IMMP2L: variants seen among roughly 807,000 people sequenced by gnomAD.
IMMP2L encodes the protein mitochondrial inner membrane protease subunit 2.
Under a neutral mutation model 19.3 loss-of-function variants are expected in IMMP2L, and 18 were observed. The observed-to-expected ratio is 0.93, with a 90% CI of 0.64 to 1.38. IMMP2L has a LOEUF of 1.38. Among genes scored for constraint, IMMP2L ranks in the 40% most tolerant of loss-of-function variants. The pLI is 0.00. For synonymous variants in IMMP2L, 76 were observed against 73.0 expected, an observed-to-expected ratio of 1.04 and a Z score of -0.21; for missense variants, 233 against 218.2, an observed-to-expected ratio of 1.07 and a Z score of -0.43.
chr7:110,717,375 G>A (rs1795296349), intron 5 of IMMP2L, among the ~76,000 whole-genome samples: 1 of 152,232 alleles, frequency 6.6e-6, no homozygotes, highest in African/African-American at 2.4e-5. Context: ...TGAGGCAGGA[G>A]AAAGGCATGA....
At chr7:111,135,729 C>T (rs1377458579) in intron 3 of IMMP2L, among the ~76,000 whole-genome samples, 1 of 152,054 alleles carries the variant, frequency 6.6e-6, no homozygotes, top group Non-Finnish European at 1.5e-5. Flanking sequence ...AAATCAAGAA[C>T]ATACAAAAAA....
intron 1 of IMMP2L, among the ~76,000 whole-genome samples, chr7:111,528,966 C>G (rs1391240812): frequency 6.6e-6 from 1 of 152,100 alleles, no homozygotes; most frequent in East Asian, 1.9e-4. Flanking sequence ...TATATGTGTA[C>G]CTACCATGCA....
At chr7:110,931,967 C>A (rs934736595) in intron 4 of IMMP2L, among the ~76,000 whole-genome samples, 1 of 152,180 alleles carries the variant, frequency 6.6e-6, no homozygotes, top group African/African-American at 2.4e-5. Context: ...TTCTTCTACT[C>A]CTTTCTTCTA....
intron 5 of IMMP2L, among the ~76,000 whole-genome samples, chr7:110,683,329 G>T (rs1395442606): frequency 6.6e-6 from 1 of 151,992 alleles, no homozygotes; most frequent in African/African-American, 2.4e-5. Context: ...TTTCAGAAGG[G>T]TAAATGCAAT....
At chr7:110,682,674 T>C (rs1160601461) in intron 5 of IMMP2L, among the ~76,000 whole-genome samples, 1 of 152,098 alleles carries the variant, frequency 6.6e-6, no homozygotes, top group Non-Finnish European at 1.5e-5. Flanking sequence ...AATTCAGTTT[T>C]GTATTATTGA....
rs559197246 is a variant in IMMP2L at position 111,526,909 on chromosome 7, T to A, written c.-2-5460A>T. Among the ~76,000 whole-genome samples the A allele has an allele frequency of 2.6e-5, 4 of 152,256 alleles. No homozygotes were observed. In the East Asian group the frequency reaches 7.7e-4, roughly 29 times the overall value. The stretch of plus-strand genomic sequence containing the variant: ...CAGCTATCTTAGTTATAAGGTAGTA[T>A]GCATGATTAAAATGTAAATTAAGGG... On this transcript the variant is annotated intron_variant, in intron 1 of 5. Coordinates refer to ENST00000405709, the MANE Select transcript of IMMP2L (RefSeq NM_032549.4).
chr7:110,763,038 C>T (rs1444789589), intron 5 of IMMP2L, among the ~76,000 whole-genome samples: 1 of 152,054 alleles, frequency 6.6e-6, no homozygotes, highest in African/African-American at 2.4e-5. Flanking sequence ...CAAACATCAG[C>T]ACAGGATGGA....
intron 2 of IMMP2L, among the ~76,000 whole-genome samples, chr7:111,490,192 G>A (rs1169292193): frequency 6.6e-6 from 1 of 150,914 alleles, no homozygotes; most frequent in African/African-American, 2.4e-5. Context: ...TGAACTCCTG[G>A]GCTCAGTCTC....
At chr7:111,180,492 A>G (rs1480063916) in intron 3 of IMMP2L, among the ~76,000 whole-genome samples, 1 of 152,050 alleles carries the variant, frequency 6.6e-6, no homozygotes, top group African/African-American at 2.4e-5. Context: ...TTACAACAGT[A>G]ACAGCAAAGA....
chr7:110,807,466 C>T (rs961456565), intron 5 of IMMP2L, among the ~76,000 whole-genome samples: 1 of 151,988 alleles, frequency 6.6e-6, no homozygotes, highest in Non-Finnish European at 1.5e-5. Context: ...CTCTTCCTAA[C>T]CACTTCCCTT....
intron 3 of IMMP2L, among the ~76,000 whole-genome samples, chr7:111,083,509 C>T (rs537686241): frequency 1.3e-5 from 2 of 152,198 alleles, no homozygotes; most frequent in East Asian, 3.9e-4. Flanking sequence ...CTATAAAACC[C>T]GCAAAGGAGA....
At chr7:111,339,946 T>C (rs1195727648) in intron 3 of IMMP2L, among the ~76,000 whole-genome samples, 2 of 152,020 alleles carry the variant, frequency 1.3e-5, no homozygotes, top group Admixed American at 6.6e-5. Flanking sequence ...AGAGTGCTAG[T>C]TGGGATTCTC....
intron 3 of IMMP2L, among the ~76,000 whole-genome samples, chr7:111,059,273 C>G (rs1048422312): frequency 6.6e-6 from 1 of 152,146 alleles, no homozygotes; most frequent in African/African-American, 2.4e-5. Flanking sequence ...TGAGCCACCA[C>G]GCCCAGCCTT....
chr7:110,788,763 G>A (rs1315351628), intron 5 of IMMP2L, among the ~76,000 whole-genome samples: 3 of 151,688 alleles, frequency 2.0e-5, no homozygotes, highest in Non-Finnish European at 2.9e-5. Context: ...GTAGTCCAAA[G>A]AGGGCTGCCA....
chr7:111,054,715 A>C lies in IMMP2L; in HGVS notation c.240-91150T>G, dbSNP rs79840908. 6.2e-4 allele frequency among the ~76,000 whole-genome samples: 94 copies of C among 152,320 alleles called. No individual in the cohort carries two copies. In the East Asian group the frequency reaches 0.018, roughly 28 times the overall value. ...CTGCCAGCACCTCCCTCTGTTGGCA[A>C]GTGTATTCCCCATACCAGGTTCTAA... On this transcript the variant is annotated intron_variant, in intron 3 of 5. Coordinates refer to ENST00000405709, the MANE Select transcript of IMMP2L (RefSeq NM_032549.4).
At chr7:111,388,209 G>T (rs191424613) in intron 3 of IMMP2L, among the ~76,000 whole-genome samples, 173 of 152,002 alleles carry the variant, frequency 1.1e-3, no homozygotes, top group Non-Finnish European at 1.4e-3. Context: ...CAGCAAGACC[G>T]GGACCAAATA....
chr7:111,379,825 A>G (rs1248660895), intron 3 of IMMP2L, among the ~76,000 whole-genome samples: 1 of 151,866 alleles, frequency 6.6e-6, no homozygotes, highest in East Asian at 1.9e-4. Flanking sequence ...CGAGTCTGCA[A>G]TTTTTAGACG....
chr7:111,149,120 C>G (rs1283453215), intron 3 of IMMP2L, among the ~76,000 whole-genome samples: 4 of 152,036 alleles, frequency 2.6e-5, no homozygotes, highest in Non-Finnish European at 5.9e-5. Flanking sequence ...GAAGACATCA[C>G]AAATATACAA....
In IMMP2L at chr7:111,538,816, T is replaced by TAAA. The variant is rs768599585; in HGVS notation, c.-2-17370_-2-17368dup. On this transcript the variant is annotated intron_variant, in intron 1 of 5. Coordinates refer to ENST00000405709, the MANE Select transcript of IMMP2L (RefSeq NM_032549.4). ...CAGAGCAATGAGACCCTGGCTCATT[T>TAAA]AAAAAAAAAAAAAAAAAAAAAAGGC... 4.3e-3 allele frequency among the ~76,000 whole-genome samples: 356 copies of TAAA among 82,404 alleles called. 2 individuals carry two copies. Among genetic ancestry groups the TAAA allele is most frequent in the African/African-American group, 0.017 (329 of 19,906 alleles). The allele number at this position is 82,404 out of a possible 152,430, so 54.1% of individuals were successfully genotyped here.
Sources: gnomAD v4.1 joint callset for allele counts (sites outside exome capture counted in the v4.1 genomes callset) on GRCh38, gnomAD v4.1.1 for gene constraint, MANE v1.5 for transcripts, NCBI Gene and HGNC (gene_info 2026-07-23, HGNC 2026-07-21) for gene names.